PCDHGB6: variants seen among roughly 807,000 people sequenced by gnomAD.
The protein encoded by PCDHGB6 is protocadherin gamma subfamily B, 6.
A neutral mutation model predicts 59.1 loss-of-function variants in PCDHGB6; 51 were observed. That is an observed-to-expected ratio of 0.86 (90% CI 0.69 to 1.09). The LOEUF is 1.09. Ranked by LOEUF, PCDHGB6 falls within the 50% of genes least tolerant of loss-of-function variation. The pLI is 0.00. For synonymous variants in PCDHGB6, 466 were observed against 495.1 expected (o/e 0.94, Z 0.78); for missense variants, 1,148 against 1,205.1 (o/e 0.95, Z 0.70).
chr5:141,425,956 C>T (rs1221085532), intron 1 of PCDHGB6, among the ~76,000 whole-genome samples: 1 of 152,244 alleles, frequency 6.6e-6, no homozygotes, highest in Non-Finnish European at 1.5e-5. Flanking sequence ...ATACATTAGT[C>T]CAACACATCA....
intron 1 of PCDHGB6, among the ~76,000 whole-genome samples, chr5:141,473,706 G>C (rs1241009670): frequency 6.6e-6 from 1 of 152,186 alleles, no homozygotes; most frequent in African/African-American, 2.4e-5. Context: ...CCTCCAAGTG[G>C]TGCAATGGAA....
chr5:141,489,470 T>C lies in PCDHGB6; in HGVS notation c.2419-5337T>C, dbSNP rs1030378524. 1 of 1,613,874 alleles carries C rather than the reference T, an allele frequency of 6.2e-7. No homozygotes were observed. The highest frequency in any genetic ancestry group is 8.5e-7 in the Non-Finnish European group (1 of 1,179,838). ...GAGGAGAATGGGCGCTATTTTTCCCTGAGCTTGATGAGTGGTGCCCTGGCA... is the reference window on the plus strand; with the variant it reads ...GAGGAGAATGGGCGCTATTTTTCCCCGAGCTTGATGAGTGGTGCCCTGGCA... On this transcript the variant is annotated intron_variant, in intron 1 of 3. Transcript: ENST00000520790. This position sits in a 1 kb window ranked among gnomAD's most constrained non-coding sequence, Gnocchi z 4.5.
Position 141,486,791 on chromosome 5 carries a change from C to G in PCDHGB6, c.2419-8016C>G. On this transcript the variant is annotated intron_variant, in intron 1 of 3. Coordinates refer to ENST00000520790, the MANE Select transcript of PCDHGB6 (RefSeq NM_018926.3). The surrounding 1 kb of genome is among the most constrained non-coding windows in gnomAD (Gnocchi z 5.0). ...GCAGTTTGAGGTGCAGGCCCGGGAT[C>G]GGGGCAACCCACCCCTTAGCAGCAC... The G allele has an allele frequency of 1.9e-6, 3 of 1,614,224 alleles. No individual in the cohort carries two copies. The highest frequency in any genetic ancestry group is 2.5e-6 in the Non-Finnish European group (3 of 1,180,046).
chr5:141,461,040 G>A (rs536064886), intron 1 of PCDHGB6, among the ~76,000 whole-genome samples: 123 of 150,514 alleles, frequency 8.2e-4, no homozygotes, highest in East Asian at 2.5e-3. Flanking sequence ...CTCATTAGTC[G>A]ATGGGGACTT....
chr5:141,510,995 G>T lies in PCDHGB6; in HGVS notation c.2615G>T (p.Gly872Val). ...STLGGGAGTM[G>V]LSARYGPQFT... is the part of the protein sequence containing the mutation. ...CTGGGAGGGGGTGCCGGCACCATGG[G>T]ATTGAGCGCCCGCTACGGACCCCAG... is the stretch of plus-strand genomic sequence containing the variant. Residue 872 changes from glycine to valine, a missense_variant, in exon 4 of 4, where the codon GGA becomes GTA. Physicochemically the swap from Gly to Val is moderately radical, Grantham distance 109. Around this residue, in one of 5 missense-constraint regions of PCDHGB6, gnomAD observed 283 missense variants for 318.6 expected, o/e 0.89. Coordinates refer to ENST00000520790, the MANE Select transcript of PCDHGB6 (RefSeq NM_018926.3). The T allele has an allele frequency of 6.2e-7, 1 of 1,614,172 alleles. No individual in the cohort carries two copies. Among genetic ancestry groups the T allele is most frequent in the Non-Finnish European group, 8.5e-7 (1 of 1,180,018 alleles).
At chr5:141,461,820 A>AT (rs1458631685) in intron 1 of PCDHGB6, among the ~76,000 whole-genome samples, 5 of 147,814 alleles carry the variant, frequency 3.4e-5, no homozygotes, top group African/African-American at 7.5e-5. Context: ...CACCCAGCTA[A>AT]TTTTTTTTTC....
At chr5:141,478,483 G>A in intron 1 of PCDHGB6, 13 of 1,613,548 alleles carry the variant, frequency 8.1e-6, no homozygotes, top group Non-Finnish European at 1.1e-5. Flanking sequence ...AGAACACGCT[G>A]CGGAGCTGTG....
rs1412764202 is a variant in PCDHGB6, at chr5:141,486,708, C to T, written c.2419-8099C>T. The T allele has an allele frequency of 1.2e-6, 2 of 1,614,062 alleles. No individual in the cohort carries two copies. Among genetic ancestry groups the T allele is most frequent in the Non-Finnish European group, 1.7e-6 (2 of 1,180,054 alleles). ...GCTTCCTCTTTCATCTCTCTGAACC[C>T]CCAGACAGGAGCTGTTCATGCTACT... On this transcript the variant is annotated intron_variant, in intron 1 of 3. Coordinates refer to ENST00000520790, the MANE Select transcript of PCDHGB6 (RefSeq NM_018926.3). This position sits in a 1 kb window ranked among gnomAD's most constrained non-coding sequence, Gnocchi z 5.0.
At chr5:141,480,298 C>G (rs1238380283) in intron 1 of PCDHGB6, among the ~76,000 whole-genome samples, 1 of 132,676 alleles carries the variant, frequency 7.5e-6, no homozygotes, top group Non-Finnish European at 1.6e-5. Flanking sequence ...ACCTGTGGTA[C>G]CAGCTACTTG....
intron 1 of PCDHGB6, chr5:141,413,798 AAG>A (rs914638812): frequency 2.7e-5 from 44 of 1,613,066 alleles, no homozygotes; most frequent in Non-Finnish European, 3.5e-5. Context: ...GATCGCGAGG[AAG>A]AGGCCATTCA....
intron 3 of PCDHGB6, among the ~76,000 whole-genome samples, chr5:141,506,444 CAAAAAAAAAA>C (rs1219684339): frequency 8.4e-5 from 8 of 95,030 alleles, no homozygotes; most frequent in Non-Finnish European, 1.3e-4. Context: ...CGCTCTGTCT[CAAAAAAAAAA>C]AAAAAAAAAA....
chr5:141,419,735 G>T (rs1013306543), intron 1 of PCDHGB6: 1 of 1,613,806 alleles, frequency 6.2e-7, no homozygotes, highest in Non-Finnish European at 8.5e-7. Context: ...AACAGGCGAG[G>T]TGCGCATGGT....
Position 141,408,317 on chromosome 5 carries a change from G to A in PCDHGB6, c.115G>A (p.Glu39Lys). 1 of 1,613,892 alleles carries A rather than the reference G, an allele frequency of 6.2e-7. No homozygotes were observed. Among genetic ancestry groups the A allele is most frequent in the Non-Finnish European group, 8.5e-7 (1 of 1,179,752 alleles). Residue 39 changes from glutamate (E) to lysine (K), a missense_variant, in exon 1 of 4, where the codon GAG becomes AAG. By Grantham distance (56) the Glu-to-Lys change is moderately conservative. This residue lies in a region of PCDHGB6 where 307 missense variants were observed against 323.8 expected (regional missense o/e 0.95). Coordinates refer to ENST00000520790, the MANE Select transcript of PCDHGB6 (RefSeq NM_018926.3). ...LSEPIRYSIP[E>K]ELAKGSVVGN... ...TGAGCCGATCCGCTACTCGATTCCG[G>A]AGGAGCTGGCCAAGGGCTCGGTGGT...
At chr5:141,448,580 TTACAAAAAGATAAAA>T (rs1484851220) in intron 1 of PCDHGB6, among the ~76,000 whole-genome samples, 1 of 152,180 alleles carries the variant, frequency 6.6e-6, no homozygotes, top group Non-Finnish European at 1.5e-5. Context: ...CCCATTTTTT[TTACAAAAAGATAAAA>T]TACTATACAC....
intron 1 of PCDHGB6, among the ~76,000 whole-genome samples, chr5:141,437,614 A>G (rs113599071): frequency 3.1e-4 from 47 of 152,242 alleles, no homozygotes; most frequent in Non-Finnish European, 5.1e-4. Flanking sequence ...AATCTGCTTT[A>G]TCCCCATATA....
At chr5:141,418,829 C>T in intron 1 of PCDHGB6, 1 of 1,613,856 alleles carries the variant, frequency 6.2e-7, no homozygotes, top group Non-Finnish European at 8.5e-7. Flanking sequence ...AGCAAAAGAC[C>T]GAGGATCTCT....
In PCDHGB6 at chr5:141,419,061, A is replaced by G. The variant is rs747692559; in HGVS notation, c.2418+8441A>G. 5.0e-6 allele frequency: 8 copies of G among 1,613,964 alleles called. No homozygotes were observed. In the Admixed American group the frequency reaches 1.3e-4, roughly 27 times the overall value. ...AAGATTCATTCTTCTTCTAATAATT[A>G]CTACAAGCTAGTAACAGATGAGGCC... On this transcript the variant is annotated intron_variant, in intron 1 of 3. Transcript: ENST00000520790.
intron 1 of PCDHGB6, among the ~76,000 whole-genome samples, chr5:141,448,772 G>C (rs1034550563): frequency 1.5e-4 from 22 of 151,272 alleles, no homozygotes; most frequent in African/African-American, 3.7e-4. Context: ...AACCCCGTCT[G>C]TACTAAAAAT....
At chr5:141,417,958 C>T (rs1255501304) in intron 1 of PCDHGB6, 3 of 1,613,720 alleles carry the variant, frequency 1.9e-6, no homozygotes, top group South Asian at 2.2e-5. Context: ...GTGAGCCGAT[C>T]CGCTACTCGA....
Sources: gnomAD v4.1 joint callset for allele counts (sites outside exome capture counted in the v4.1 genomes callset) on GRCh38, gnomAD v4.1.1 for gene constraint, gnomAD v4.1.1 regional missense constraint, Gnocchi (gnomAD v3.1) non-coding constraint, MANE v1.5 for transcripts, NCBI Gene and HGNC (gene_info 2026-07-23, HGNC 2026-07-21) for gene names.